Variants in PBX1 observed in about 807,000 individuals in gnomAD.
The protein encoded by PBX1 is pre-B-cell leukemia transcription factor 1.
Under a neutral mutation model 53.4 loss-of-function variants are expected in PBX1, and 6 were observed. The observed-to-expected ratio is 0.11, with a 90% CI of 0.06 to 0.22. PBX1 has a LOEUF of 0.22. Ranked by LOEUF, PBX1 falls within the 10% of genes least tolerant of loss-of-function variation. The probability of loss-of-function intolerance (pLI) is 1.00; values close to 1 mark genes in which losing one functional copy is unlikely to be tolerated. For missense variants in PBX1, 251 were observed against 551.4 expected (o/e 0.46, Z 5.46); for synonymous variants, 204 against 212.3 (o/e 0.96, Z 0.34).
At chr1:164,604,180 A>G (rs1369099660) in intron 2 of PBX1, among the ~76,000 whole-genome samples, 1 of 152,012 alleles carries the variant, frequency 6.6e-6, no homozygotes, top group Non-Finnish European at 1.5e-5. Flanking sequence ...AGCTCAGGCA[A>G]TCCGCCTGCC....
At chr1:164,616,537 T>C (rs1226836049) in intron 2 of PBX1, among the ~76,000 whole-genome samples, 2 of 152,242 alleles carry the variant, frequency 1.3e-5, no homozygotes, top group Non-Finnish European at 2.9e-5. Flanking sequence ...TCATATTTTA[T>C]AGCCATTGAA....
intron 2 of PBX1, among the ~76,000 whole-genome samples, chr1:164,731,890 G>A (rs1458728736): frequency 6.6e-6 from 1 of 152,194 alleles, no homozygotes; most frequent in Non-Finnish European, 1.5e-5. Flanking sequence ...CTGCCACGAA[G>A]CTTCCTGACC....
intron 8 of PBX1, among the ~76,000 whole-genome samples, chr1:164,833,376 C>T (rs774595702): frequency 7.2e-5 from 11 of 152,148 alleles, no homozygotes; most frequent in Non-Finnish European, 1.0e-4. Context: ...AATGAGCATT[C>T]TCTTTTTCTC....
chr1:164,716,728 A>ACACACACACACACACACACACACG (rs1664110485), intron 2 of PBX1, among the ~76,000 whole-genome samples: 1 of 148,440 alleles, frequency 6.7e-6, no homozygotes, highest in South Asian at 2.3e-4. Context: ...ACACACACAC[A>ACACACACACACACACACACACACG]CAGAAATACA....
At chr1:164,716,790 A>G (rs1664123100) in intron 2 of PBX1, among the ~76,000 whole-genome samples, 1 of 152,188 alleles carries the variant, frequency 6.6e-6, no homozygotes, top group South Asian at 2.1e-4. Context: ...AAGCCAAAAC[A>G]TGCATAGTAT....
chr1:164,661,608 G>A (rs1660498470), intron 2 of PBX1, among the ~76,000 whole-genome samples: 1 of 151,870 alleles, frequency 6.6e-6, no homozygotes, highest in Non-Finnish European at 1.5e-5. Context: ...TGTATTTTTA[G>A]TAGAGACGGG....
chr1:164,690,788 T>C (rs1336361056), intron 2 of PBX1, among the ~76,000 whole-genome samples: 1 of 152,074 alleles, frequency 6.6e-6, no homozygotes, highest in Non-Finnish European at 1.5e-5. Context: ...ATTCAATATA[T>C]GTTAACCTGT....
chr1:164,796,230 C>T (rs1011234133), intron 3 of PBX1, among the ~76,000 whole-genome samples: 1 of 152,014 alleles, frequency 6.6e-6, no homozygotes, highest in Non-Finnish European at 1.5e-5. Flanking sequence ...AGGATGCTCT[C>T]GAGCTCCTGA....
chr1:164,602,031 A>G (rs576335062), intron 2 of PBX1, among the ~76,000 whole-genome samples: 4 of 152,338 alleles, frequency 2.6e-5, no homozygotes. Context: ...GTTAGTTAAA[A>G]GGTAATCTGT....
At chr1:164,788,883 T>A (rs1373995354) in intron 2 of PBX1, among the ~76,000 whole-genome samples, 1 of 152,138 alleles carries the variant, frequency 6.6e-6, no homozygotes, top group Non-Finnish European at 1.5e-5. Flanking sequence ...ATCTATCTTA[T>A]CAATTTCTAA....
intron 2 of PBX1, among the ~76,000 whole-genome samples, chr1:164,704,186 G>A (rs1663293392): frequency 6.6e-6 from 1 of 152,192 alleles, no homozygotes; most frequent in South Asian, 2.1e-4. Context: ...AAGAAGGATT[G>A]ACACAGACCA....
At chr1:164,708,425 G>C (rs1395370473) in intron 2 of PBX1, among the ~76,000 whole-genome samples, 1 of 152,056 alleles carries the variant, frequency 6.6e-6, no homozygotes, top group African/African-American at 2.4e-5. Flanking sequence ...TTTCAGGGGG[G>C]TACATATGCA....
intron 2 of PBX1, among the ~76,000 whole-genome samples, chr1:164,568,346 A>AT (rs397981772): frequency 1.3e-5 from 2 of 151,216 alleles, no homozygotes; most frequent in South Asian, 2.1e-4. Context: ...TTAAAAAAAA[A>AT]GTTTACCAAA....
At chr1:164,785,972 T>C (rs992355035) in intron 2 of PBX1, among the ~76,000 whole-genome samples, 1 of 152,178 alleles carries the variant, frequency 6.6e-6, no homozygotes, top group Non-Finnish European at 1.5e-5. Context: ...TGTTTAGAAT[T>C]GTCAGATTTG....
intron 2 of PBX1, among the ~76,000 whole-genome samples, chr1:164,655,852 A>G (rs1400695910): frequency 6.6e-6 from 1 of 152,206 alleles, no homozygotes; most frequent in Non-Finnish European, 1.5e-5. Context: ...GTCATAGTCT[A>G]ACATGGTGTA....
At chr1:164,654,125 G>C (rs537345406) in intron 2 of PBX1, among the ~76,000 whole-genome samples, 17 of 152,280 alleles carry the variant, frequency 1.1e-4, no homozygotes, top group Admixed American at 1.0e-3. Context: ...CAGTGCATTG[G>C]GGGTAGGGTG....
intron 2 of PBX1, among the ~76,000 whole-genome samples, chr1:164,742,815 A>G (rs1665682597): frequency 6.6e-6 from 1 of 152,216 alleles, no homozygotes; most frequent in African/African-American, 2.4e-5. Flanking sequence ...TTATTTAAAT[A>G]TCTACAGAAT....
rs143857802 is a variant in PBX1, at chr1:164,748,068, G to A, written c.266-44426G>A. On this transcript the variant is annotated intron_variant, in intron 2 of 8. Coordinates refer to ENST00000420696, the MANE Select transcript of PBX1 (RefSeq NM_002585.4). ...GTGATAAACAGTATGGGCACCATTC[G>A]TGTTTTTGCTTTTGAGTTTTTGTTT... Among the ~76,000 whole-genome samples the A allele has an allele frequency of 1.3e-3, 195 of 152,218 alleles. 1 individual carries two copies. Among genetic ancestry groups the A allele is most frequent in the African/African-American group, 4.5e-3 (186 of 41,526 alleles).
chr1:164,847,619 A>AC lies in PBX1; in HGVS notation c.*944dup, dbSNP rs1491273073. 1 of 1,062,144 alleles carries AC rather than the reference A, an allele frequency of 9.4e-7. No individual in the cohort carries two copies. Among genetic ancestry groups the AC allele is most frequent in the Non-Finnish European group, 1.1e-6 (1 of 877,326 alleles). 65.8% of individuals were successfully genotyped at this position (1,062,144 alleles called of 1,614,324 possible). ...TTCAACCTCAACTATGCCTTCATAGACACACACGTTCATGCACATGTAGGC... is the reference window on the plus strand; with the variant it reads ...TTCAACCTCAACTATGCCTTCATAGACCACACACGTTCATGCACATGTAGGC... On this transcript the variant is annotated 3_prime_UTR_variant, in exon 9 of 9. Transcript: ENST00000420696.
Sources: gnomAD v4.1 joint callset for allele counts (sites outside exome capture counted in the v4.1 genomes callset) on GRCh38, gnomAD v4.1.1 for gene constraint, MANE v1.5 for transcripts, NCBI Gene and HGNC (gene_info 2026-07-23, HGNC 2026-07-21) for gene names.